PLEKHA1: variants seen among roughly 807,000 people sequenced by gnomAD.
The protein encoded by PLEKHA1 is pleckstrin homology domain-containing family A member 1.
PLEKHA1 carries 34 observed loss-of-function variants against 52.0 expected under a neutral mutation model. That is an observed-to-expected ratio of 0.65 (90% confidence interval 0.50 to 0.87). The LOEUF (loss-of-function observed/expected upper bound fraction) is 0.87. PLEKHA1 is among the 40% of genes least tolerant of loss of function. The probability of loss-of-function intolerance (pLI) is 0.00; values close to 1 mark genes in which losing one functional copy is unlikely to be tolerated. For synonymous variants in PLEKHA1, 163 were observed against 170.7 expected (o/e 0.95, Z 0.35); for missense variants, 497 against 504.2 (o/e 0.99, Z 0.14).
intron 1 of PLEKHA1, 181 bp downstream of exon 1, chr10:122,374,987 T>G (rs2096501653): frequency 6.6e-6 from 1 of 151,784 alleles, no homozygotes; most frequent in Admixed American, 6.6e-5. Context: ...GCGCCCCCTC[T>G]GCGCACGTCC....
chr10:122,424,147 T>C, intron 8 of PLEKHA1, 52 bp from the exon 9 acceptor site: 1 of 1,519,464 alleles, frequency 6.6e-7, no homozygotes, highest in Non-Finnish European at 8.8e-7. Context: ...TTGAAAGGAT[T>C]TTAAGAATAA....
chr10:122,408,799 G>C (rs76111603), intron 5 of PLEKHA1, among the ~76,000 whole-genome samples: 65 of 152,196 alleles, frequency 4.3e-4, no homozygotes, highest in African/African-American at 1.6e-3. Flanking sequence ...ATATTTTCCT[G>C]TGAACATTGC....
downstream of PLEKHA1, chr10:122,435,252 G>A (rs1423666656): frequency 6.6e-6 from 1 of 152,024 alleles, no homozygotes; most frequent in East Asian, 1.9e-4. Context: ...TAGGATTTGT[G>A]TATGTTATCT....
At chr10:122,403,400 G>A (rs984157545) in intron 4 of PLEKHA1, among the ~76,000 whole-genome samples, 1 of 152,124 alleles carries the variant, frequency 6.6e-6, no homozygotes. Context: ...ATCTCAGGTT[G>A]TGAGATGATT....
intron 1 of PLEKHA1, among the ~76,000 whole-genome samples, chr10:122,377,668 TA>T (rs1441849620): frequency 6.6e-6 from 1 of 152,234 alleles, no homozygotes. Context: ...TTATTTGTTA[TA>T]GCACTAGAAC....
intron 10 of PLEKHA1, chr10:122,425,220 G>T (rs921575656): frequency 1.0e-5 from 3 of 294,602 alleles, no homozygotes; most frequent in Admixed American, 5.1e-5. Context: ...GATGTTAAGT[G>T]TGTACTTTCA....
At position 122,400,380 on chromosome 10, in the gene PLEKHA1, T is replaced by G; in HGVS notation, c.236T>G (p.Phe79Cys). ...DATKLRPKAE[F>C]CFVMNAGMRK... Reference sequence around the variant, plus strand: ...ACTAAGCTAAGGCCAAAGGCGGAGTTCTGTTTTGGTAAGTAGCCATGTTAT... The same window carrying G: ...ACTAAGCTAAGGCCAAAGGCGGAGTGCTGTTTTGGTAAGTAGCCATGTTAT... The change falls in exon 4 of 12, where the codon TTC becomes TGC. Residue 79 changes from phenylalanine (F) to cysteine (C), a missense_variant. Coordinates refer to ENST00000368990, the MANE Select transcript of PLEKHA1 (RefSeq NM_001001974.4). The G allele has an allele frequency of 1.2e-6, 2 of 1,607,664 alleles. No homozygotes were observed. The highest frequency in any genetic ancestry group is 1.7e-6 in the Non-Finnish European group (2 of 1,177,952).
chr10:122,400,610 C>G (rs7905479), intron 4 of PLEKHA1, among the ~76,000 whole-genome samples: 4 of 152,136 alleles, frequency 2.6e-5, no homozygotes, highest in Non-Finnish European at 4.4e-5. Flanking sequence ...ACAAACATCT[C>G]CTTCTACCCA....
chr10:122,402,768 T>G (rs1191143272), intron 4 of PLEKHA1, among the ~76,000 whole-genome samples: 1 of 152,110 alleles, frequency 6.6e-6, no homozygotes, highest in East Asian at 1.9e-4. Flanking sequence ...AGAAATAGAA[T>G]CAGTGAGGCT....
chr10:122,374,757 C>A lies in PLEKHA1; in HGVS notation c.-70C>A, dbSNP rs1052990835. ...GACGCCGCTCCGGGCAGCCGAGCCT[C>A]TGTGGGAGCCGGGGCCGCGGCGGCG... On this transcript the variant is annotated 5_prime_UTR_variant, in exon 1 of 12. It adds an upstream start codon to the 5' untranslated region. Coordinates refer to ENST00000368990, the MANE Select transcript of PLEKHA1 (RefSeq NM_001001974.4). 1 of 151,936 alleles carries A rather than the reference C, an allele frequency of 6.6e-6. No homozygotes were observed. The highest frequency in any genetic ancestry group is 1.5e-5 in the Non-Finnish European group (1 of 68,010). The allele number at this position is 151,936 out of a possible 1,614,324, so 9.4% of individuals were successfully genotyped here.
At chr10:122,435,420 A>G (rs2097434361), downstream of PLEKHA1, 1 of 152,206 alleles carries the variant, frequency 6.6e-6, no homozygotes, top group South Asian at 2.1e-4. Flanking sequence ...ATGTGGTAAT[A>G]GCGCCACCTT....
chr10:122,388,310 A>G (rs2096729266), intron 1 of PLEKHA1, among the ~76,000 whole-genome samples: 1 of 152,218 alleles, frequency 6.6e-6, no homozygotes, highest in South Asian at 2.1e-4. Flanking sequence ...TCTGAGGTTT[A>G]TCTAGGTAGT....
chr10:122,416,118 C>A (rs1392050538), intron 7 of PLEKHA1, 116 bp downstream of exon 7: 6 of 1,146,646 alleles, frequency 5.2e-6, no homozygotes, highest in South Asian at 1.8e-5. Flanking sequence ...GAGAGACCGG[C>A]ATGCTGAGGA....
rs73366070 is a variant in PLEKHA1 at position 122,382,659 on chromosome 10, T to C, written c.-21+7853T>C. ...GTGATTTTCTATTACTGTCATATCT[T>C]CAGAAATGATGTAGTTCATATTATT... is the stretch of plus-strand genomic sequence containing the variant. On this transcript the variant is annotated intron_variant, in intron 1 of 11. Coordinates refer to ENST00000368990, the MANE Select transcript of PLEKHA1 (RefSeq NM_001001974.4). 6.8e-3 allele frequency among the ~76,000 whole-genome samples: 1,041 copies of C among 152,320 alleles called. 11 individuals are homozygous for C. Among genetic ancestry groups the C allele is most frequent in the African/African-American group, 0.024 (981 of 41,570 alleles).
At chr10:122,436,565 G>A (rs763756719), downstream of PLEKHA1, 4 of 152,174 alleles carry the variant, frequency 2.6e-5, no homozygotes, top group Non-Finnish European at 4.4e-5. Flanking sequence ...GGGTCAATTG[G>A]TGTCTTCAGT....
intron 8 of PLEKHA1, chr10:122,420,842 G>C (rs368654314): frequency 6.6e-6 from 1 of 152,246 alleles, no homozygotes; most frequent in Non-Finnish European, 1.5e-5. Context: ...TGTCCTCTTG[G>C]GGGGTTAGCC....
chr10:122,383,981 T>C (rs941992603), intron 1 of PLEKHA1, among the ~76,000 whole-genome samples: 1 of 152,188 alleles, frequency 6.6e-6, no homozygotes, highest in African/African-American at 2.4e-5. Flanking sequence ...TAGATTTTGA[T>C]ATTTGAATCC....
chr10:122,428,436 C>G (rs1374966290), intron 11 of PLEKHA1: 3 of 1,427,728 alleles, frequency 2.1e-6, no homozygotes, highest in Non-Finnish European at 2.8e-6. Flanking sequence ...GTTAACCAAA[C>G]TGCCTTTTGC....
chr10:122,417,778 G>A, intron 7 of PLEKHA1, 122 bp from the exon 8 acceptor site: 1 of 644,398 alleles, frequency 1.6e-6, no homozygotes, highest in Non-Finnish European at 2.7e-6. Context: ...TCTAAGGGAA[G>A]TAATGAGATT....
Sources: gnomAD v4.1 joint callset for allele counts (sites outside exome capture counted in the v4.1 genomes callset) on GRCh38, gnomAD v4.1.1 for gene constraint, MANE v1.5 for transcripts, NCBI Gene and HGNC (gene_info 2026-07-23, HGNC 2026-07-21) for gene names.